Variants in KIF20B observed in about 807,000 individuals in gnomAD.
The protein encoded by KIF20B is kinesin-like protein KIF20B.
A neutral mutation model predicts 232.5 loss-of-function variants in KIF20B; 188 were observed. That is an observed-to-expected ratio of 0.81 (90% confidence interval 0.72 to 0.91). The LOEUF (loss-of-function observed/expected upper bound fraction) is 0.91, where lower values mean the gene tolerates loss of function less well. Among genes scored for constraint, KIF20B ranks in the 40% least tolerant of loss-of-function variants. The pLI is 0.00. For synonymous variants in KIF20B, 712 were observed against 683.0 expected (o/e 1.04, Z -0.66); for missense variants, 2,154 against 2,055.9 (o/e 1.05, Z -0.92).
At chr10:89,710,470 A>G (rs7906112) in intron 5 of KIF20B, among the ~76,000 whole-genome samples, 46,970 of 152,006 alleles carry the variant, frequency 0.31, 8,170 homozygotes, top group African/African-American at 0.46. Context: ...CTCAGGTGAT[A>G]TGCCCACCTT....
At chr10:89,746,898 T>G (rs138359829) in intron 23 of KIF20B, among the ~76,000 whole-genome samples, 1 of 152,348 alleles carries the variant, frequency 6.6e-6, no homozygotes, top group East Asian at 1.9e-4. Context: ...TTAAAGCTTA[T>G]TCTTAGAAAA....
At position 89,737,866 on chromosome 10, in the gene KIF20B, C is replaced by G; in HGVS notation, c.3025C>G (p.Leu1009Val). 6.2e-7 allele frequency: 1 copy of G among 1,613,488 alleles called. No homozygotes were observed. The highest frequency in any genetic ancestry group is 8.5e-7 in the Non-Finnish European group (1 of 1,179,550). Residue 1009 changes from leucine (L) to valine (V), a missense_variant, in exon 20 of 33, where the codon CTC (leucine) becomes GTC (valine). By Grantham distance (32) the Leu-to-Val change is conservative (BLOSUM62 1). Coordinates refer to ENST00000371728, the MANE Select transcript of KIF20B (RefSeq NM_001284259.2). ...SQISNIDLLN[L>V]RDLSNGSEED... ...GATTTCAAACATAGATTTGCTCAAT[C>G]TCAGGGATCTGTCAAATGGTTCTGA...
rs369964051 is a variant in KIF20B, at chr10:89,711,131, C to T, written c.661C>T (p.Arg221Trp). Residue 221 changes from arginine (R) to tryptophan (W), a missense_variant, in exon 6 of 33, where the codon CGG (arginine) becomes TGG (tryptophan). Arg to Trp is a moderately radical substitution (Grantham distance 101). Transcript: ENST00000371728. ...AATTGCTAGCAAAAGTGCATTGCTTCGGCAAATTAAAGAGGTATGGAAATA... is the reference window on the plus strand; with the variant it reads ...AATTGCTAGCAAAAGTGCATTGCTTTGGCAAATTAAAGAGGTATGGAAATA... ...EEIASKSALL[R>W]QIKEVTVHND... 30 of 1,535,782 alleles carry T rather than the reference C, an allele frequency of 2.0e-5. No individual in the cohort carries two copies. The highest frequency in any genetic ancestry group is 1.1e-4 in the South Asian group (9 of 79,212).
At chr10:89,753,809 G>A (rs1842068138) in intron 25 of KIF20B, among the ~76,000 whole-genome samples, 2 of 151,940 alleles carry the variant, frequency 1.3e-5, no homozygotes, top group African/African-American at 2.4e-5. Flanking sequence ...TAGTAGAGAT[G>A]GGGTTTCACC....
intron 29 of KIF20B, among the ~76,000 whole-genome samples, chr10:89,766,802 A>G (rs962469715): frequency 6.6e-6 from 1 of 151,952 alleles, no homozygotes; most frequent in Non-Finnish European, 1.5e-5. Flanking sequence ...TACACATGTA[A>G]CACCTTTAGA....
chr10:89,731,883 T>C (rs538388837), intron 18 of KIF20B, among the ~76,000 whole-genome samples: 1 of 152,338 alleles, frequency 6.6e-6, no homozygotes, highest in East Asian at 1.9e-4. Context: ...TTTTCTTAAA[T>C]AACCCATTAC....
intron 31 of KIF20B, among the ~76,000 whole-genome samples, chr10:89,770,684 A>C (rs1564677778): frequency 6.6e-6 from 1 of 151,804 alleles, no homozygotes; most frequent in Non-Finnish European, 1.5e-5. Context: ...TAACTGTAAT[A>C]CATATTTGTT....
At chr10:89,712,861 C>G (rs1035154635) in intron 6 of KIF20B, among the ~76,000 whole-genome samples, 6 of 152,072 alleles carry the variant, frequency 3.9e-5, no homozygotes, top group African/African-American at 1.4e-4. Context: ...TATTTTTACC[C>G]TATTATTATT....
chr10:89,758,447 C>T (rs1400705959), intron 26 of KIF20B, among the ~76,000 whole-genome samples: 1 of 151,932 alleles, frequency 6.6e-6, no homozygotes, highest in Non-Finnish European at 1.5e-5. Context: ...AAAGCTATAG[C>T]TGTAATTGTG....
intron 26 of KIF20B, among the ~76,000 whole-genome samples, chr10:89,754,944 G>A (rs1430892691): frequency 2.0e-5 from 3 of 152,084 alleles, no homozygotes; most frequent in East Asian, 1.9e-4. Flanking sequence ...CCTTTTGACC[G>A]TTACAGAGTA....
At position 89,715,184 on chromosome 10, in the gene KIF20B, TA is replaced by T; in HGVS notation, c.940+3del. On this transcript the variant is annotated splice_donor_region_variant and intron_variant, in intron 8 of 32. Coordinates refer to ENST00000371728, the MANE Select transcript of KIF20B (RefSeq NM_001284259.2). ...TAAAGGGCTATTCTTTTATAAAAGG[TA>T]TACTAATGAATATTTTTATCTTATT... The T allele has an allele frequency of 6.5e-7, 1 of 1,543,266 alleles. No individual in the cohort carries two copies. Among genetic ancestry groups the T allele is most frequent in the Non-Finnish European group, 8.9e-7 (1 of 1,126,600 alleles).
intron 29 of KIF20B, among the ~76,000 whole-genome samples, chr10:89,764,547 T>C (rs74788340): frequency 0.31 from 46,529 of 151,938 alleles, 7,966 homozygotes; most frequent in African/African-American, 0.45. Flanking sequence ...CCACATCCTC[T>C]CCAGCACCTG....
At chr10:89,752,945 A>G (rs1299079603) in intron 25 of KIF20B, among the ~76,000 whole-genome samples, 2 of 152,190 alleles carry the variant, frequency 1.3e-5, no homozygotes, top group Non-Finnish European at 2.9e-5. Flanking sequence ...CACATATTTA[A>G]TTCATAAACC....
chr10:89,754,395 T>G (rs1326807375), intron 25 of KIF20B, 123 bp from the exon 26 acceptor site: 2 of 484,190 alleles, frequency 4.1e-6, no homozygotes, highest in African/African-American at 2.0e-5. Flanking sequence ...TGTCATTGTT[T>G]AAAGTGAAAC....
At chr10:89,715,208 A>G in intron 8 of KIF20B, 26 bp downstream of exon 8, 1 of 1,432,760 alleles carries the variant, frequency 7.0e-7, no homozygotes, top group Non-Finnish European at 9.7e-7. Flanking sequence ...TTTTTATCTT[A>G]TTGCTCTGAA....
At chr10:89,725,468 AAG>A (rs1344994273) in intron 15 of KIF20B, among the ~76,000 whole-genome samples, 4 of 152,182 alleles carry the variant, frequency 2.6e-5, no homozygotes, top group Non-Finnish European at 5.9e-5. Context: ...TTTAAATAAA[AAG>A]AATTTTAAAG....
chr10:89,732,879 T>C (rs771535223), intron 18 of KIF20B, 24 bp from the exon 19 acceptor site: 183 of 1,502,374 alleles, frequency 1.2e-4, no homozygotes, highest in Non-Finnish European at 1.6e-4. Context: ...ATATGTGAAT[T>C]ATTTTTAACT....
At chr10:89,746,589 C>T (rs1016301274) in intron 23 of KIF20B, among the ~76,000 whole-genome samples, 6 of 152,030 alleles carry the variant, frequency 3.9e-5, no homozygotes, top group East Asian at 1.9e-4. Context: ...AGGATGGGGG[C>T]GTGGCAGGCC....
rs145619952 is a variant in KIF20B, at chr10:89,746,012, G to T, written c.4096+53G>T. 4.7e-6 allele frequency: 6 copies of T among 1,288,400 alleles called. 1 individual carries two copies. The South Asian group carries it at 4.8e-5, about 10-fold the overall frequency. The allele number at this position is 1,288,400 out of a possible 1,614,324, so 79.8% of individuals were successfully genotyped here. ...CCAGAAAAGTTCTCTTATTCCCCTC[G>T]CAGGGCATGCGATGGGGGTATGACT... On this transcript the variant is annotated intron_variant, in intron 23 of 32. Coordinates refer to ENST00000371728, the MANE Select transcript of KIF20B (RefSeq NM_001284259.2).
Sources: allele counts gnomAD v4.1 joint callset (sites outside exome capture counted in the v4.1 genomes callset), GRCh38; gene constraint gnomAD v4.1.1; transcripts MANE v1.5; gene names NCBI Gene and HGNC (gene_info 2026-07-23, HGNC 2026-07-21).